Variants in FARS2 observed in about 807,000 individuals in gnomAD.
FARS2 encodes phenylalanine--tRNA ligase, mitochondrial.
FARS2 carries 40 observed loss-of-function variants against 46.4 expected under a neutral mutation model. The ratio of observed to expected loss-of-function variants is 0.86; its 90% CI spans 0.67 to 1.12. FARS2 has a LOEUF of 1.12. Ranked by LOEUF, FARS2 falls within the 50% of genes most tolerant of loss-of-function variation. The pLI is 0.00. For missense variants in FARS2, 513 were observed against 567.9 expected (o/e 0.90, Z 0.98); for synonymous variants, 234 against 214.9 (o/e 1.09, Z -0.78).
At chr6:5,580,191 C>T (rs892615652) in intron 5 of FARS2, among the ~76,000 whole-genome samples, 6 of 146,940 alleles carry the variant, frequency 4.1e-5, no homozygotes, top group African/African-American at 1.5e-4. Context: ...TCAGGAGGCT[C>T]AAGCAGGAGA....
At chr6:5,639,720 C>T (rs1358400486) in intron 6 of FARS2, among the ~76,000 whole-genome samples, 28 of 152,166 alleles carry the variant, frequency 1.8e-4, no homozygotes, top group Admixed American at 1.5e-3. Context: ...TGAGTGTAAG[C>T]GCTTGAAAAG....
intron 6 of FARS2, among the ~76,000 whole-genome samples, chr6:5,706,887 A>G (rs186926827): frequency 2.6e-5 from 4 of 152,336 alleles, no homozygotes; most frequent in Admixed American, 1.3e-4. Context: ...CGAGCTTTCC[A>G]TCCGTTGATG....
At chr6:5,707,852 G>C (rs1304382877) in intron 6 of FARS2, among the ~76,000 whole-genome samples, 1 of 152,228 alleles carries the variant, frequency 6.6e-6, no homozygotes, top group Non-Finnish European at 1.5e-5. Flanking sequence ...TGCCATCGGG[G>C]CCTCACAGTC....
At chr6:5,526,753 A>G (rs1401997061) in intron 4 of FARS2, among the ~76,000 whole-genome samples, 1 of 152,056 alleles carries the variant, frequency 6.6e-6, no homozygotes, top group Non-Finnish European at 1.5e-5. Context: ...AGTAACTGGG[A>G]TTACAGGTGC....
chr6:5,627,516 C>G (rs925908624), intron 6 of FARS2, among the ~76,000 whole-genome samples: 18 of 152,148 alleles, frequency 1.2e-4, no homozygotes, highest in Admixed American at 1.2e-3. Context: ...ATTGCCTGTC[C>G]GGCAATGCAC....
intron 6 of FARS2, among the ~76,000 whole-genome samples, chr6:5,763,765 TTGG>T (rs1257793228): frequency 4.6e-5 from 3 of 65,934 alleles, no homozygotes; most frequent in Admixed American, 2.0e-4. Flanking sequence ...CTCTTCCCTT[TTGG>T]TTTTTTTTTT....
chr6:5,534,856 C>CGCGCACACACACACACTTGCAT (rs1561692442), intron 4 of FARS2, among the ~76,000 whole-genome samples: 1 of 150,062 alleles, frequency 6.7e-6, no homozygotes, highest in Non-Finnish European at 1.5e-5. Flanking sequence ...CACACTTGCA[C>CGCGCACACACACACACTTGCAT]GCGCACACAC....
chr6:5,445,041 C>A (rs976103762), intron 4 of FARS2, among the ~76,000 whole-genome samples: 12 of 152,148 alleles, frequency 7.9e-5, no homozygotes, highest in African/African-American at 2.9e-4. Context: ...CTCAAATCTT[C>A]AACAGCCTAG....
chr6:5,399,022 C>T (rs1404129089), intron 2 of FARS2, among the ~76,000 whole-genome samples: 1 of 151,540 alleles, frequency 6.6e-6, no homozygotes, highest in Non-Finnish European at 1.5e-5. Flanking sequence ...TTTTCTTCTC[C>T]ACTCTCTTTA....
intron 3 of FARS2, among the ~76,000 whole-genome samples, chr6:5,423,288 C>G (rs1362353299): frequency 2.0e-5 from 3 of 151,958 alleles, no homozygotes; most frequent in Admixed American, 2.0e-4. Context: ...CGGGAGTGAT[C>G]ACTTACCCTG....
At chr6:5,268,344 C>T (rs1190682324) in intron 1 of FARS2, among the ~76,000 whole-genome samples, 1 of 152,116 alleles carries the variant, frequency 6.6e-6, no homozygotes. Context: ...TTAGGTCTAA[C>T]ATTTAAGTCT....
chr6:5,255,121 C>T, the FARS2 span, among the ~76,000 whole-genome samples: 1 of 152,310 alleles, frequency 6.6e-6, no homozygotes, highest in East Asian at 1.9e-4. Context: ...ACTTCTGCAA[C>T]ACTACTCTTT....
At chr6:5,297,037 C>T (rs1363040322) in intron 1 of FARS2, among the ~76,000 whole-genome samples, 1 of 152,224 alleles carries the variant, frequency 6.6e-6, no homozygotes, top group Non-Finnish European at 1.5e-5. Flanking sequence ...TACATTCCCA[C>T]CAGCAGAGCA....
chr6:5,399,125 A>ATTTTTT (rs200173799), intron 2 of FARS2, among the ~76,000 whole-genome samples: 2 of 135,348 alleles, frequency 1.5e-5, no homozygotes, highest in African/African-American at 5.5e-5. Context: ...ATTTTATATT[A>ATTTTTT]TTTTATTATT....
At chr6:5,663,546 C>T (rs991771761) in intron 6 of FARS2, among the ~76,000 whole-genome samples, 16 of 152,044 alleles carry the variant, frequency 1.1e-4, no homozygotes, top group South Asian at 2.1e-4. Context: ...GAATGTGTTT[C>T]GATGAGATCA....
intron 6 of FARS2, among the ~76,000 whole-genome samples, chr6:5,725,043 G>A (rs182982467): frequency 1.1e-4 from 17 of 152,352 alleles, no homozygotes; most frequent in Admixed American, 4.6e-4. Context: ...GTTACCACAC[G>A]TGGAAAACAG....
intron 6 of FARS2, among the ~76,000 whole-genome samples, chr6:5,735,759 CTGTT>C (rs1219473013): frequency 6.6e-6 from 1 of 152,176 alleles, no homozygotes; most frequent in Non-Finnish European, 1.5e-5. Flanking sequence ...TTCAAATTCA[CTGTT>C]TGGGAGCTGC....
chr6:5,281,014 G>A (rs1026587046), intron 1 of FARS2, among the ~76,000 whole-genome samples: 2 of 152,096 alleles, frequency 1.3e-5, no homozygotes, highest in African/African-American at 4.8e-5. Flanking sequence ...CTGGACTTTA[G>A]TTTGAGGGAT....
intron 4 of FARS2, among the ~76,000 whole-genome samples, chr6:5,527,036 C>A (rs553630299): frequency 7.0e-6 from 1 of 143,326 alleles, no homozygotes; most frequent in African/African-American, 2.4e-5. Context: ...ATTCTCCACA[C>A]TCAGGAAGGA....
Sources: gnomAD v4.1 joint callset for allele counts (sites outside exome capture counted in the v4.1 genomes callset) on GRCh38, gnomAD v4.1.1 for gene constraint, MANE v1.5 for transcripts, NCBI Gene and HGNC (gene_info 2026-07-23, HGNC 2026-07-21) for gene names.